TPX2: variants seen among roughly 807,000 people sequenced by gnomAD.
TPX2 encodes TPX2 microtubule nucleation factor.
In TPX2, 21 loss-of-function variants were observed where a neutral mutation model predicts 93.6. The ratio of observed to expected loss-of-function variants is 0.22; its 90% CI spans 0.16 to 0.32. The LOEUF is 0.32. TPX2 is among the 10% of genes least tolerant of loss of function. The pLI is 1.00. For missense variants in TPX2, 776 were observed against 871.1 expected (o/e 0.89, Z 1.37); for synonymous variants, 281 against 298.3 (o/e 0.94, Z 0.60).
At chr20:31,761,361 C>T (rs113580952) in intron 4 of TPX2, among the ~76,000 whole-genome samples, 13,302 of 151,970 alleles carry the variant, frequency 0.088, 657 homozygotes, top group African/African-American at 0.14. Context: ...ACCAGCATGC[C>T]CGGCTAATTT....
intron 4 of TPX2, among the ~76,000 whole-genome samples, chr20:31,764,096 C>T (rs960992603): frequency 1.5e-5 from 2 of 137,508 alleles, no homozygotes; most frequent in African/African-American, 6.4e-5. Flanking sequence ...TATATATGTA[C>T]ATACATCTAA....
At chr20:31,797,652 C>G (rs1832225785) in intron 16 of TPX2, 137 bp downstream of exon 16, 1 of 754,518 alleles carries the variant, frequency 1.3e-6, no homozygotes, top group Non-Finnish European at 2.1e-6. Context: ...TTTTCTTCCC[C>G]TAGACCCAGT....
intron 5 of TPX2, 86 bp downstream of exon 5, chr20:31,766,768 A>T: frequency 7.5e-7 from 1 of 1,326,284 alleles, no homozygotes; most frequent in Non-Finnish European, 1.0e-6. Flanking sequence ...ATGTGTCTAT[A>T]CTGTGTTTAT....
intron 2 of TPX2, among the ~76,000 whole-genome samples, chr20:31,755,434 A>C (rs994844739): frequency 2.0e-5 from 3 of 151,944 alleles, no homozygotes; most frequent in Admixed American, 2.0e-4. Flanking sequence ...ACTGGCATCT[A>C]CCTCCCTTCT....
At chr20:31,756,432 T>C (rs1242284362) in intron 2 of TPX2, among the ~76,000 whole-genome samples, 2 of 151,414 alleles carry the variant, frequency 1.3e-5, no homozygotes, top group East Asian at 2.0e-4. Context: ...TAGTGGTGTA[T>C]TTTAGAAATT....
chr20:31,782,090 G>A (rs1568598380), intron 10 of TPX2, among the ~76,000 whole-genome samples, 159 bp from the exon 11 acceptor site: 1 of 152,216 alleles, frequency 6.6e-6, no homozygotes, highest in Non-Finnish European at 1.5e-5. Flanking sequence ...AGAAGTAACT[G>A]AATGTTGGTT....
chr20:31,799,056 G>A (rs538005588), intron 17 of TPX2, among the ~76,000 whole-genome samples: 1 of 152,292 alleles, frequency 6.6e-6, no homozygotes, highest in African/African-American at 2.4e-5. Context: ...GAAGGACATG[G>A]GAATTAAATG....
In TPX2 at chr20:31,761,432, C is replaced by T. The variant is rs903233932; in HGVS notation, c.229+1253C>T. On this transcript the variant is annotated intron_variant, in intron 4 of 17. Transcript: ENST00000300403. Reference sequence around the variant, plus strand: ...GGCCAGGCTGGTCTCAAACTCCTGACCTTGTGATCCGCCCACCTCGGCCTC... The same window carrying T: ...GGCCAGGCTGGTCTCAAACTCCTGATCTTGTGATCCGCCCACCTCGGCCTC... Among the ~76,000 whole-genome samples the T allele has an allele frequency of 3.3e-5, 5 of 152,172 alleles. No individual in the cohort carries two copies. In the South Asian group the frequency reaches 6.2e-4, roughly 19 times the overall value.
intron 1 of TPX2, among the ~76,000 whole-genome samples, chr20:31,741,231 C>T (rs1294044878): frequency 2.0e-5 from 3 of 152,192 alleles, no homozygotes; most frequent in African/African-American, 4.8e-5. Context: ...TATTTAAATG[C>T]CCTTTGACAT....
In TPX2 at chr20:31,777,445, A is replaced by G. The variant is rs201774678; in HGVS notation, c.731-42A>G. ...TAAAGGGGATTTACTGGTGTTCCCT[A>G]TCTTAATGTTGTCTGTATGTTTTAC... is the stretch of plus-strand genomic sequence containing the variant. On this transcript the variant is annotated intron_variant, in intron 8 of 17. Coordinates refer to ENST00000300403, the MANE Select transcript of TPX2 (RefSeq NM_012112.5). The G allele has an allele frequency of 1.8e-4, 284 of 1,597,686 alleles. 1 individual carries two copies. The Middle Eastern group carries it at 2.3e-3, about 13-fold the overall frequency.
At chr20:31,752,650 G>A (rs1291740884) in intron 2 of TPX2, among the ~76,000 whole-genome samples, 2 of 151,916 alleles carry the variant, frequency 1.3e-5, no homozygotes, top group East Asian at 3.9e-4. Context: ...GTCTCGCACT[G>A]TTGCCCAGGC....
Position 31,801,387 on chromosome 20 carries a change from C to G in TPX2, c.*307C>G, listed in dbSNP as rs778643167. On this transcript the variant is annotated 3_prime_UTR_variant, in exon 18 of 18. Transcript: ENST00000300403. ...CTTCACTCTGACTAGAATTTAGTCTCTGTGTCAGCACAGTGTAATCTCTAT... is the reference window on the plus strand; with the variant it reads ...CTTCACTCTGACTAGAATTTAGTCTGTGTGTCAGCACAGTGTAATCTCTAT... 1 of 285,536 alleles carries G rather than the reference C, an allele frequency of 3.5e-6. No individual in the cohort carries two copies. The highest frequency in any genetic ancestry group is 2.2e-5 in the African/African-American group (1 of 46,310). The allele number at this position is 285,536 out of a possible 1,614,324, so 17.7% of individuals were successfully genotyped here. A position where few individuals can be genotyped will look rare whatever the true frequency, so the allele number is the denominator to read the frequency against.
chr20:31,778,078 A>G (rs1465326866), intron 9 of TPX2, among the ~76,000 whole-genome samples: 7 of 152,184 alleles, frequency 4.6e-5, no homozygotes, highest in South Asian at 4.1e-4. Context: ...CCTGGCCAAT[A>G]TAACAGATCT....
chr20:31,743,541 A>C (rs2061765406), intron 2 of TPX2, among the ~76,000 whole-genome samples: 2 of 151,898 alleles, frequency 1.3e-5, no homozygotes, highest in Admixed American at 1.3e-4. Context: ...TAAAACATAA[A>C]AAAATTTAAC....
Position 31,778,804 on chromosome 20 carries a change from T to C in TPX2, c.883-9T>C. 6.5e-7 allele frequency: 1 copy of C among 1,535,910 alleles called. No individual in the cohort carries two copies. The highest frequency in any genetic ancestry group is 8.7e-7 in the Non-Finnish European group (1 of 1,146,198). ...CATTTCATTTGGGGAACAACTTTTCTCTTTACAGGCCCGAGTGACTAAGGG... is the reference window on the plus strand; with the variant it reads ...CATTTCATTTGGGGAACAACTTTTCCCTTTACAGGCCCGAGTGACTAAGGG... On this transcript the variant is annotated splice_polypyrimidine_tract_variant and intron_variant, in intron 9 of 17. Coordinates refer to ENST00000300403, the MANE Select transcript of TPX2 (RefSeq NM_012112.5).
chr20:31,787,332 C>G (rs944160193), intron 12 of TPX2, among the ~76,000 whole-genome samples: 2 of 151,478 alleles, frequency 1.3e-5, no homozygotes, highest in African/African-American at 4.9e-5. Context: ...GAGTTTGACA[C>G]TGGCTGTTTG....
At chr20:31,797,091 TTAAAG>T (rs1360440559) in intron 15 of TPX2, among the ~76,000 whole-genome samples, 2 of 151,410 alleles carry the variant, frequency 1.3e-5, no homozygotes, top group African/African-American at 4.9e-5. Flanking sequence ...ACCCTAAAAC[TTAAAG>T]TATAATAATA....
At chr20:31,793,599 GT>G (rs1172796407) in intron 13 of TPX2, among the ~76,000 whole-genome samples, 1 of 152,154 alleles carries the variant, frequency 6.6e-6, no homozygotes. Flanking sequence ...TATTCATAAT[GT>G]TAGATCTTAT....
intron 10 of TPX2, among the ~76,000 whole-genome samples, chr20:31,780,586 A>G (rs2062027194): frequency 6.6e-6 from 1 of 152,234 alleles, no homozygotes; most frequent in African/African-American, 2.4e-5. Flanking sequence ...AAAACTTTGT[A>G]CAGTTACAGC....
Sources: gnomAD v4.1 joint callset for allele counts (sites outside exome capture counted in the v4.1 genomes callset) on GRCh38, gnomAD v4.1.1 for gene constraint, MANE v1.5 for transcripts, NCBI Gene and HGNC (gene_info 2026-07-23, HGNC 2026-07-21) for gene names.